Variants in ADAMTSL1 observed in about 807,000 individuals in gnomAD.
ADAMTSL1 encodes the protein ADAMTS-like protein 1.
Under a neutral mutation model 201.8 loss-of-function variants are expected in ADAMTSL1, and 126 were observed. The ratio of observed to expected loss-of-function variants is 0.62; its 90% CI spans 0.54 to 0.72. The LOEUF (loss-of-function observed/expected upper bound fraction) is 0.72. Ranked by LOEUF, ADAMTSL1 falls within the 30% of genes least tolerant of loss-of-function variation. ADAMTSL1 has a pLI of 0.00. For missense variants in ADAMTSL1, 2,679 were observed against 2,277.8 expected (o/e 1.18, Z -3.59); for synonymous variants, 1,121 against 903.4 (o/e 1.24, Z -4.32).
intron 26 of ADAMTSL1, among the ~76,000 whole-genome samples, chr9:18,904,851 A>C (rs975935775): frequency 6.6e-6 from 1 of 150,418 alleles, no homozygotes; most frequent in Non-Finnish European, 1.5e-5. Flanking sequence ...CAGCTGTCTG[A>C]CCCAAGAGAG....
intron 2 of ADAMTSL1, among the ~76,000 whole-genome samples, chr9:18,414,238 T>C (rs73643271): frequency 0.019 from 2,952 of 152,258 alleles, 103 homozygotes; most frequent in African/African-American, 0.068. Flanking sequence ...TCACATAAAA[T>C]ATGCTTATTA....
intron 9 of ADAMTSL1, among the ~76,000 whole-genome samples, chr9:18,670,652 C>A (rs775103788): frequency 2.0e-5 from 3 of 152,188 alleles, no homozygotes; most frequent in Non-Finnish European, 4.4e-5. Context: ...GATGTGGTTG[C>A]ATTACTTGCC....
intron 1 of ADAMTSL1, among the ~76,000 whole-genome samples, chr9:17,966,248 A>T (rs982102334): frequency 4.6e-5 from 7 of 152,188 alleles, no homozygotes; most frequent in African/African-American, 1.7e-4. Context: ...ATAAGTAAGT[A>T]TAGTAAGTGC....
chr9:18,504,969 C>G lies in ADAMTSL1; in HGVS notation c.191+13C>G, dbSNP rs1480465920. ...GCCTGAGCAGCAAGTAAGTCCTGCA[C>G]CCGTTGGGGGTCTTTGTGAGAACCA... On this transcript the variant is annotated intron_variant, in intron 2 of 28. Coordinates refer to ENST00000380548, the MANE Select transcript of ADAMTSL1 (RefSeq NM_001040272.6). 1.9e-6 allele frequency: 3 copies of G among 1,601,420 alleles called. No individual in the cohort carries two copies. The highest frequency in any genetic ancestry group is 8.5e-7 in the Non-Finnish European group (1 of 1,177,846).
At chr9:18,714,138 G>A (rs1832772797) in intron 14 of ADAMTSL1, among the ~76,000 whole-genome samples, 1 of 152,200 alleles carries the variant, frequency 6.6e-6, no homozygotes, top group East Asian at 1.9e-4. Context: ...ATGCCCACAA[G>A]AGAAAGCACA....
At chr9:18,079,106 G>C (rs577089341) in intron 1 of ADAMTSL1, among the ~76,000 whole-genome samples, 1 of 152,162 alleles carries the variant, frequency 6.6e-6, no homozygotes, top group Non-Finnish European at 1.5e-5. Flanking sequence ...ACTCAAGAGG[G>C]CAGGTATCCC....
rs976416215 is a variant in ADAMTSL1 at position 18,474,155 on chromosome 9, T to C, written c.-78T>C. 6.7e-6 allele frequency: 9 copies of C among 1,344,612 alleles called. No individual in the cohort carries two copies. The highest frequency in any genetic ancestry group is 9.6e-6 in the Non-Finnish European group (9 of 940,172). 83.3% of individuals were successfully genotyped at this position (1,344,612 alleles called of 1,614,324 possible). On this transcript the variant is annotated 5_prime_UTR_variant, in exon 1 of 29. Transcript: ENST00000380548. ...GGCAGGACTGGAGTGTTAGCACCAG[T>C]ACTGGATGTGACAGCAGGCAGAGGA...
chr9:18,393,901 C>G (rs1412153476), intron 2 of ADAMTSL1, among the ~76,000 whole-genome samples: 1 of 152,190 alleles, frequency 6.6e-6, no homozygotes, highest in East Asian at 1.9e-4. Flanking sequence ...AAACCAACTC[C>G]ACAGCCCACT....
intron 24 of ADAMTSL1, among the ~76,000 whole-genome samples, chr9:18,888,561 C>G (rs1309224484): frequency 1.3e-5 from 2 of 152,194 alleles, no homozygotes; most frequent in African/African-American, 4.8e-5. Flanking sequence ...ATGGCTCATG[C>G]ATTAACCTTC....
chr9:18,456,817 C>G (rs1820624417), intron 2 of ADAMTSL1, among the ~76,000 whole-genome samples: 1 of 152,158 alleles, frequency 6.6e-6, no homozygotes, highest in Non-Finnish European at 1.5e-5. Context: ...GCACTTCAAC[C>G]CCACCATGAA....
intron 1 of ADAMTSL1, among the ~76,000 whole-genome samples, chr9:17,967,373 C>T (rs1818016689): frequency 6.6e-6 from 1 of 152,008 alleles, no homozygotes; most frequent in Non-Finnish European, 1.5e-5. Flanking sequence ...GCCATGATTA[C>T]TATTCTTATG....
chr9:18,776,422 A>G (rs1252545140), intron 18 of ADAMTSL1, among the ~76,000 whole-genome samples: 1 of 152,004 alleles, frequency 6.6e-6, no homozygotes, highest in Non-Finnish European at 1.5e-5. Context: ...ATGAGAGGAA[A>G]TGCTTTCCCC....
chr9:18,308,328 A>G (rs1818650224), intron 2 of ADAMTSL1, among the ~76,000 whole-genome samples: 1 of 152,158 alleles, frequency 6.6e-6, no homozygotes, highest in African/African-American at 2.4e-5. Flanking sequence ...GCAGAAGACA[A>G]GAAATTACTA....
intron 2 of ADAMTSL1, among the ~76,000 whole-genome samples, chr9:18,338,003 G>A (rs1023237979): frequency 1.3e-5 from 2 of 152,008 alleles, no homozygotes; most frequent in Middle Eastern, 3.2e-3. Context: ...AAGATGAAGG[G>A]GTACAGGGAG....
In ADAMTSL1 at chr9:18,308,019, A is replaced by G. The variant is rs183038285; in HGVS notation, c.207+144038A>G. Among the ~76,000 whole-genome samples, 403 of 152,302 alleles carry G rather than the reference A, an allele frequency of 2.6e-3. 2 individuals carry two copies. Among genetic ancestry groups the G allele is most frequent in the Non-Finnish European group, 4.4e-3 (302 of 68,022 alleles). On this transcript the variant is annotated intron_variant, in intron 2 of 29. Coordinates refer to the ADAMTSL1 transcript ENST00000680146. ...TCTTACACCACAGTGTAATCAAACT[A>G]GAACTCAGGATTCAGAAACTCACTC...
At chr9:17,975,204 T>C (rs543123016) in intron 1 of ADAMTSL1, among the ~76,000 whole-genome samples, 118 of 152,214 alleles carry the variant, frequency 7.8e-4, no homozygotes, top group Admixed American at 1.4e-3. Flanking sequence ...ATTTTTTAAT[T>C]GGGTCATTTT....
At chr9:18,772,374 T>C (rs1820745389) in intron 17 of ADAMTSL1, among the ~76,000 whole-genome samples, 2 of 152,194 alleles carry the variant, frequency 1.3e-5, no homozygotes, top group Non-Finnish European at 2.9e-5. Flanking sequence ...TCAGAAAATG[T>C]TCTTTTGTGC....
At chr9:18,663,310 A>G (rs1037917619) in intron 9 of ADAMTSL1, among the ~76,000 whole-genome samples, 2 of 152,170 alleles carry the variant, frequency 1.3e-5, no homozygotes, top group African/African-American at 4.8e-5. Context: ...AACAAAAAGA[A>G]TAGATATTTT....
chr9:17,956,867 G>A (rs571055809), intron 1 of ADAMTSL1, among the ~76,000 whole-genome samples: 4 of 152,204 alleles, frequency 2.6e-5, no homozygotes, highest in Admixed American at 1.3e-4. Flanking sequence ...TTTCATTGGG[G>A]CTATTGCCCT....
Sources: allele counts gnomAD v4.1 joint callset (sites outside exome capture counted in the v4.1 genomes callset), GRCh38; gene constraint gnomAD v4.1.1; transcripts MANE v1.5; gene names NCBI Gene and HGNC (gene_info 2026-07-23, HGNC 2026-07-21).